SNX3: variants seen among roughly 807,000 people sequenced by gnomAD.
SNX3 encodes sorting nexin-3.
In SNX3, 5 loss-of-function variants were observed where a neutral mutation model predicts 17.7. The observed-to-expected ratio is 0.28, with a 90% CI of 0.15 to 0.59. The LOEUF (loss-of-function observed/expected upper bound fraction) is 0.59, where lower values mean the gene tolerates loss of function less well. SNX3 is among the 20% of genes least tolerant of loss of function. The pLI, the probability that SNX3 is intolerant of heterozygous loss-of-function variation, is 0.88. For synonymous variants in SNX3, 91 were observed against 76.5 expected (o/e 1.19, Z -0.99); for missense variants, 132 against 206.8 (o/e 0.64, Z 2.22).
intron 1 of SNX3, among the ~76,000 whole-genome samples, chr6:108,256,295 A>G (rs1238021268): frequency 1.3e-5 from 2 of 152,214 alleles, no homozygotes; most frequent in African/African-American, 4.8e-5. Context: ...TTATTTTTAT[A>G]CCATGCTTGC....
At chr6:108,255,158 A>G (rs1306837933) in intron 1 of SNX3, among the ~76,000 whole-genome samples, 3 of 152,182 alleles carry the variant, frequency 2.0e-5, no homozygotes, top group Admixed American at 2.0e-4. Context: ...CCCACTCTCC[A>G]TTCTGGGGAT....
intron 1 of SNX3, among the ~76,000 whole-genome samples, chr6:108,238,814 G>A (rs1283064619): frequency 3.3e-5 from 5 of 152,014 alleles, no homozygotes; most frequent in Non-Finnish European, 7.4e-5. Context: ...GGGGTGGGGG[G>A]AAAATGCAAA....
chr6:108,246,469 C>G (rs1775694528), intron 1 of SNX3, among the ~76,000 whole-genome samples: 1 of 150,936 alleles, frequency 6.6e-6, no homozygotes, highest in Admixed American at 6.6e-5. Flanking sequence ...GGATTACAGG[C>G]ACACACCACC....
intron 1 of SNX3, among the ~76,000 whole-genome samples, chr6:108,224,821 G>GAAAAC: frequency 6.6e-6 from 1 of 152,242 alleles, no homozygotes; most frequent in Middle Eastern, 3.4e-3. Context: ...TTTAAGAACT[G>GAAAAC]AAAACATAAC....
chr6:108,227,812 T>TG (rs201633554), intron 1 of SNX3, among the ~76,000 whole-genome samples: 1 of 151,450 alleles, frequency 6.6e-6, no homozygotes, highest in African/African-American at 2.4e-5. Flanking sequence ...GTGCAAAATG[T>TG]GGGTTTTTTT....
At chr6:108,232,623 T>C (rs1360307193) in intron 1 of SNX3, among the ~76,000 whole-genome samples, 1 of 152,230 alleles carries the variant, frequency 6.6e-6, no homozygotes, top group Non-Finnish European at 1.5e-5. Context: ...TTTCTTCAGA[T>C]AGTGTCACGT....
At chr6:108,241,373 T>C (rs768043279) in intron 1 of SNX3, among the ~76,000 whole-genome samples, 3 of 151,806 alleles carry the variant, frequency 2.0e-5, no homozygotes, top group Admixed American at 1.3e-4. Context: ...AAGCAGAAGC[T>C]GGTCAGGTGC....
chr6:108,228,930 G>C (rs1775053071), intron 1 of SNX3, among the ~76,000 whole-genome samples: 4 of 152,104 alleles, frequency 2.6e-5, no homozygotes, highest in African/African-American at 9.7e-5. Context: ...CTCAGCCATA[G>C]GTTAATCAGA....
intron 1 of SNX3, among the ~76,000 whole-genome samples, chr6:108,240,742 C>G (rs1775490925): frequency 6.6e-6 from 1 of 152,064 alleles, no homozygotes; most frequent in Non-Finnish European, 1.5e-5. Flanking sequence ...TTGCGGCAAC[C>G]CAAGGTTGCA....
chr6:108,230,965 A>C (rs1775127040), intron 1 of SNX3, among the ~76,000 whole-genome samples: 1 of 152,222 alleles, frequency 6.6e-6, no homozygotes, highest in South Asian at 2.1e-4. Context: ...TTCTTTGGAA[A>C]ACTATAAAAT....
intron 1 of SNX3, among the ~76,000 whole-genome samples, chr6:108,259,330 T>A (rs1776120487): frequency 6.6e-6 from 1 of 152,148 alleles, no homozygotes; most frequent in South Asian, 2.1e-4. Flanking sequence ...GCCTCCCCAG[T>A]TCAAGAGATT....
chr6:108,251,520 G>C (rs764479576), intron 1 of SNX3, among the ~76,000 whole-genome samples: 9 of 152,104 alleles, frequency 5.9e-5, no homozygotes, highest in Non-Finnish European at 7.3e-5. Flanking sequence ...TCCTTCAAGG[G>C]CAGAAATAAA....
At chr6:108,241,092 C>T (rs985291393) in intron 1 of SNX3, among the ~76,000 whole-genome samples, 2 of 135,588 alleles carry the variant, frequency 1.5e-5, no homozygotes, top group African/African-American at 2.7e-5. Context: ...CAGTGAACCA[C>T]GATTGCGCGC....
intron 1 of SNX3, among the ~76,000 whole-genome samples, chr6:108,225,464 C>G (rs1774946191): frequency 1.3e-5 from 2 of 151,184 alleles, no homozygotes; most frequent in Admixed American, 1.3e-4. Flanking sequence ...AACCCTGTCT[C>G]CACTAAAAAT....
Position 108,211,624 on chromosome 6 carries a change from C to T in SNX3, c.*525G>A, listed in dbSNP as rs190515338. The T allele has an allele frequency of 6.6e-6, 1 of 152,652 alleles. No individual in the cohort carries two copies. The highest frequency in any genetic ancestry group is 2.4e-5 in the African/African-American group (1 of 41,534). The allele number at this position is 152,652 out of a possible 1,614,324, so 9.5% of individuals were successfully genotyped here. A position where few individuals can be genotyped will look rare whatever the true frequency, so the allele number is the denominator to read the frequency against. Reference sequence around the variant, plus strand: ...TTTTATACAGAATATAAAGATTTCCCTCATTAATCTTCCATGTGAAGGGTA... The same window carrying T: ...TTTTATACAGAATATAAAGATTTCCTTCATTAATCTTCCATGTGAAGGGTA... On this transcript the variant is annotated 3_prime_UTR_variant, in exon 4 of 4. Transcript: ENST00000230085.
intron 1 of SNX3, among the ~76,000 whole-genome samples, chr6:108,241,499 G>C (rs1325796895): frequency 6.6e-6 from 1 of 151,940 alleles, no homozygotes. Context: ...CTTAAAAAAA[G>C]AAAAAGGCTG....
intron 1 of SNX3, among the ~76,000 whole-genome samples, chr6:108,250,752 G>A (rs1203169740): frequency 5.9e-5 from 9 of 152,100 alleles, no homozygotes; most frequent in African/African-American, 1.9e-4. Flanking sequence ...TAGAAAAAAC[G>A]GAAAGCAAAC....
At chr6:108,222,432 G>A (rs1025520563) in intron 2 of SNX3, 6 of 1,042,618 alleles carry the variant, frequency 5.8e-6, no homozygotes, top group African/African-American at 3.3e-5. Flanking sequence ...TTAAATTGCC[G>A]GCAGCAACCC....
chr6:108,255,804 G>GA (rs891385817), intron 1 of SNX3, among the ~76,000 whole-genome samples: 5 of 152,090 alleles, frequency 3.3e-5, no homozygotes, highest in African/African-American at 9.7e-5. Context: ...TGACCCAGAG[G>GA]AAAAAACATA....
Sources: allele counts gnomAD v4.1 joint callset (sites outside exome capture counted in the v4.1 genomes callset), GRCh38; gene constraint gnomAD v4.1.1; transcripts MANE v1.5; gene names NCBI Gene and HGNC (gene_info 2026-07-23, HGNC 2026-07-21).